NAV2: variants seen among roughly 807,000 people sequenced by gnomAD.
The protein encoded by NAV2 is neuron navigator 2.
NAV2 carries 54 observed loss-of-function variants against 223.2 expected under a neutral mutation model. The observed-to-expected ratio is 0.24, with a 90% confidence interval of 0.19 to 0.30. The LOEUF (loss-of-function observed/expected upper bound fraction) is 0.30, where lower values mean the gene tolerates loss of function less well. NAV2 is among the 10% of genes least tolerant of loss of function. NAV2 has a pLI of 1.00. For missense variants in NAV2, 2,806 were observed against 3,147.5 expected (o/e 0.89, Z 2.60); for synonymous variants, 1,279 against 1,239.3 (o/e 1.03, Z -0.67).
chr11:20,069,300 A>G (rs911297341), intron 22 of NAV2, among the ~76,000 whole-genome samples: 1 of 152,058 alleles, frequency 6.6e-6, no homozygotes, highest in Non-Finnish European at 1.5e-5. Context: ...ATTAGTGTCT[A>G]TGGCTTGGAT....
chr11:19,883,096 G>T (rs1012143744), intron 5 of NAV2, among the ~76,000 whole-genome samples: 1 of 152,134 alleles, frequency 6.6e-6, no homozygotes, highest in Non-Finnish European at 1.5e-5. Flanking sequence ...GTCAAATGTT[G>T]ATGCAAACCC....
chr11:20,077,222 C>G (rs761797886), intron 22 of NAV2, among the ~76,000 whole-genome samples: 5 of 151,938 alleles, frequency 3.3e-5, no homozygotes, highest in Non-Finnish European at 7.4e-5. Context: ...ATGAGGGTGT[C>G]GTGAAAGTAC....
intron 1 of NAV2, among the ~76,000 whole-genome samples, chr11:19,459,651 G>A (rs949431452): frequency 6.6e-6 from 1 of 152,214 alleles, no homozygotes; most frequent in African/African-American, 2.4e-5. Context: ...TAATCAACCA[G>A]TATTCTAGAG....
At chr11:19,952,908 G>A (rs2047515513) in intron 10 of NAV2, among the ~76,000 whole-genome samples, 1 of 152,118 alleles carries the variant, frequency 6.6e-6, no homozygotes, top group Admixed American at 6.5e-5. Context: ...TACCAGGCAT[G>A]TCTAAGTACT....
intron 8 of NAV2, among the ~76,000 whole-genome samples, chr11:19,946,085 C>T (rs1339327048): frequency 1.3e-5 from 2 of 152,190 alleles, no homozygotes; most frequent in Non-Finnish European, 2.9e-5. Flanking sequence ...TGGACCTAAC[C>T]TGAGCATGTC....
intron 1 of NAV2, among the ~76,000 whole-genome samples, chr11:19,546,365 G>A (rs2044498466): frequency 6.6e-6 from 1 of 152,210 alleles, no homozygotes; most frequent in African/African-American, 2.4e-5. Context: ...TGGTGGCTGT[G>A]ACCAATGGAG....
intron 1 of NAV2, among the ~76,000 whole-genome samples, chr11:19,413,030 T>A (rs1850212722): frequency 6.6e-6 from 1 of 152,082 alleles, no homozygotes; most frequent in Non-Finnish European, 1.5e-5. Flanking sequence ...CTACAAAGGA[T>A]CACAACTCCT....
chr11:19,937,093 A>G (rs2045970816), intron 7 of NAV2, among the ~76,000 whole-genome samples: 1 of 152,126 alleles, frequency 6.6e-6, no homozygotes, highest in African/African-American at 2.4e-5. Context: ...AGCCATGATC[A>G]CGCCACTGCA....
chr11:19,714,546 A>G, intron 1 of NAV2: 2 of 448,150 alleles, frequency 4.5e-6, no homozygotes, highest in South Asian at 3.1e-5. Flanking sequence ...GGACTGCGGT[A>G]CTAGTGCACC....
At chr11:20,089,397 A>T (rs1228735464) in intron 26 of NAV2, among the ~76,000 whole-genome samples, 2 of 152,218 alleles carry the variant, frequency 1.3e-5, no homozygotes, top group East Asian at 3.8e-4. Flanking sequence ...ATACAATTTC[A>T]TCTCTTTTAA....
At chr11:19,419,684 A>G (rs936615884) in intron 1 of NAV2, among the ~76,000 whole-genome samples, 1 of 152,236 alleles carries the variant, frequency 6.6e-6, no homozygotes, top group Non-Finnish European at 1.5e-5. Context: ...TCACACGCTT[A>G]GAAACAAACC....
intron 1 of NAV2, among the ~76,000 whole-genome samples, chr11:19,447,052 C>CGA (rs1851612317): frequency 3.3e-5 from 5 of 152,136 alleles, no homozygotes; most frequent in Admixed American, 3.3e-4. Context: ...TTCTATGTAT[C>CGA]CCCTCCCCGG....
At chr11:19,502,817 G>C (rs2043001629) in intron 1 of NAV2, 1 of 152,190 alleles carries the variant, frequency 6.6e-6, no homozygotes, top group South Asian at 2.1e-4. Context: ...TAGCATGGTG[G>C]CTTCAGAGTT....
At chr11:19,621,518 T>C (rs185752688) in intron 1 of NAV2, among the ~76,000 whole-genome samples, 6 of 152,352 alleles carry the variant, frequency 3.9e-5, no homozygotes, top group Non-Finnish European at 7.3e-5. Flanking sequence ...ATCCATTTCT[T>C]CCAGATTTTC....
At chr11:19,957,067 C>T (rs2047942712) in intron 10 of NAV2, among the ~76,000 whole-genome samples, 1 of 152,206 alleles carries the variant, frequency 6.6e-6, no homozygotes, top group Non-Finnish European at 1.5e-5. Context: ...ACCAAATATG[C>T]ATTTCTCATT....
intron 1 of NAV2, among the ~76,000 whole-genome samples, chr11:19,491,043 G>A (rs759296593): frequency 6.6e-6 from 1 of 152,062 alleles, no homozygotes; most frequent in East Asian, 1.9e-4. Flanking sequence ...CTGAGGAGTA[G>A]GTCTCAAGAG....
rs142076128 is a variant in NAV2, at chr11:19,884,415, C to T, written c.770+4288C>T. 1.9e-4 allele frequency: 285 copies of T among 1,468,122 alleles called. 1 individual carries two copies. In the African/African-American group the frequency reaches 3.3e-3, roughly 17 times the overall value. 90.9% of individuals were successfully genotyped at this position (1,468,122 alleles called of 1,614,324 possible). ...CATGGTTTAATCCCAACCCACTGTTCCATTGTTCCCTCTGTTCTGGCTGAG... is the reference window on the plus strand; with the variant it reads ...CATGGTTTAATCCCAACCCACTGTTTCATTGTTCCCTCTGTTCTGGCTGAG... On this transcript the variant is annotated intron_variant, in intron 5 of 37. Transcript: ENST00000349880.
Position 20,101,229 on chromosome 11 carries a change from T to C in NAV2, c.6417+57T>C, listed in dbSNP as rs376925713. On this transcript the variant is annotated intron_variant, in intron 32 of 37. Coordinates refer to ENST00000349880, the MANE Select transcript of NAV2 (RefSeq NM_145117.5). ...TTTGGCCCTTTCAAAACTGATGATA[T>C]CACCACTAGCCTGAAGGGAAAGCAG... 5.4e-5 allele frequency: 71 copies of C among 1,316,288 alleles called. 1 individual carries two copies. The East Asian group carries it at 1.1e-3, about 20-fold the overall frequency. The allele number at this position is 1,316,288 out of a possible 1,614,324, so 81.5% of individuals were successfully genotyped here. A position where few individuals can be genotyped will look rare whatever the true frequency, so the allele number is the denominator to read the frequency against.
intron 10 of NAV2, among the ~76,000 whole-genome samples, chr11:19,950,832 T>C (rs1330744743): frequency 1.3e-5 from 2 of 152,178 alleles, no homozygotes; most frequent in African/African-American, 4.8e-5. Context: ...ATAGGGGAGA[T>C]TGTCCAATTT....
Sources: gnomAD v4.1 joint callset for allele counts (sites outside exome capture counted in the v4.1 genomes callset) on GRCh38, gnomAD v4.1.1 for gene constraint, MANE v1.5 for transcripts, NCBI Gene and HGNC (gene_info 2026-07-23, HGNC 2026-07-21) for gene names.